The following THNSL1 variants were observed in gnomAD, a reference collection of about 807,000 sequenced individuals.
The protein encoded by THNSL1 is threonine synthase-like 1.
THNSL1 carries 48 observed loss-of-function variants against 50.4 expected under a neutral mutation model. That is an observed-to-expected ratio of 0.95 (90% CI 0.76 to 1.21). The LOEUF (loss-of-function observed/expected upper bound fraction) is 1.21. THNSL1 is among the 50% of genes most tolerant of loss of function. THNSL1 has a pLI of 0.00. For missense variants in THNSL1, 896 were observed against 871.7 expected, an observed-to-expected ratio of 1.03 and a Z score of -0.35; for synonymous variants, 309 against 306.1, an observed-to-expected ratio of 1.01 and a Z score of -0.10.
chr10:24,971,161 A>C, the THNSL1 span, among the ~76,000 whole-genome samples: 10 of 151,958 alleles, frequency 6.6e-5, no homozygotes, highest in Non-Finnish European at 1.2e-4. Flanking sequence ...GTGCAGTGGC[A>C]CAATCATAGC....
the THNSL1 span, among the ~76,000 whole-genome samples, chr10:24,969,700 T>C: frequency 6.6e-6 from 1 of 152,220 alleles, no homozygotes; most frequent in Non-Finnish European, 1.5e-5. Context: ...TTTTATCACG[T>C]GGAACGACAT....
Position 25,026,450 on chromosome 10 carries a change from T to C in THNSL1, c.*995T>C, listed in dbSNP as rs530767274. On this transcript the variant is annotated 3_prime_UTR_variant, in exon 3 of 3. Transcript: ENST00000376356. ...AGTAGTCTCAATAGGAGTGTATTTG[T>C]AGACAGCAGTTTCCCTATATTATTT... 8.4e-5 allele frequency: 14 copies of C among 167,228 alleles called. No homozygotes were observed. The South Asian group carries it at 2.9e-3, about 35-fold the overall frequency. 10.4% of individuals were successfully genotyped at this position (167,228 alleles called of 1,614,324 possible).
chr10:25,025,507 C>A lies in THNSL1; in HGVS notation c.*52C>A. 6.7e-7 allele frequency: 1 copy of A among 1,498,004 alleles called. No homozygotes were observed. Among genetic ancestry groups the A allele is most frequent in the Non-Finnish European group, 9.0e-7 (1 of 1,108,796 alleles). The allele number at this position is 1,498,004 out of a possible 1,614,324, so 92.8% of individuals were successfully genotyped here. Reference sequence around the variant, plus strand: ...TAGCTATAAGCATGCAATAATAAATCTCAAACACTGATTTGGAGTACAGTA... The same window carrying A: ...TAGCTATAAGCATGCAATAATAAATATCAAACACTGATTTGGAGTACAGTA... On this transcript the variant is annotated 3_prime_UTR_variant, in exon 3 of 3. Coordinates refer to ENST00000376356, the MANE Select transcript of THNSL1 (RefSeq NM_024838.5).
At chr10:24,963,970 C>T in the THNSL1 span, among the ~76,000 whole-genome samples, 5 of 152,026 alleles carry the variant, frequency 3.3e-5, no homozygotes, top group South Asian at 1.0e-3. Flanking sequence ...TTGTAAAACG[C>T]CATGAATTTT....
the THNSL1 span, among the ~76,000 whole-genome samples, chr10:25,008,313 T>A: frequency 6.6e-6 from 1 of 152,188 alleles, no homozygotes; most frequent in Non-Finnish European, 1.5e-5. Context: ...GGGTTACTGT[T>A]TTCCTTGATT....
chr10:24,962,382 T>C, the THNSL1 span, among the ~76,000 whole-genome samples: 1 of 152,206 alleles, frequency 6.6e-6, no homozygotes, highest in African/African-American at 2.4e-5. Context: ...ATTAGTCTGA[T>C]TTGATGCCCT....
chr10:25,014,873 T>C (rs182698160), upstream of THNSL1, among the ~76,000 whole-genome samples: 15 of 152,340 alleles, frequency 9.8e-5, no homozygotes, highest in East Asian at 2.7e-3. Flanking sequence ...ACCCTAATAC[T>C]AGTAAAAATA....
the THNSL1 span, among the ~76,000 whole-genome samples, chr10:25,004,195 G>A: frequency 6.6e-6 from 1 of 152,278 alleles, no homozygotes; most frequent in Admixed American, 6.5e-5. Flanking sequence ...CATTTAGGTT[G>A]ATTCCATGTC....
At chr10:24,979,380 G>A in the THNSL1 span, among the ~76,000 whole-genome samples, 1 of 152,322 alleles carries the variant, frequency 6.6e-6, no homozygotes, top group South Asian at 2.1e-4. Context: ...AGGTGCCAGT[G>A]TAGATGTTGA....
At chr10:24,989,123 T>C in the THNSL1 span, among the ~76,000 whole-genome samples, 2 of 152,150 alleles carry the variant, frequency 1.3e-5, no homozygotes, top group Non-Finnish European at 2.9e-5. Context: ...TTCAGCATCA[T>C]TTAGGTGTAA....
chr10:25,025,726 T>G lies in THNSL1; in HGVS notation c.*271T>G. The G allele has an allele frequency of 2.7e-6, 1 of 369,776 alleles. No homozygotes were observed. The allele number at this position is 369,776 out of a possible 1,614,324, so 22.9% of individuals were successfully genotyped here. On this transcript the variant is annotated 3_prime_UTR_variant, in exon 3 of 3. Coordinates refer to ENST00000376356, the MANE Select transcript of THNSL1 (RefSeq NM_024838.5). ...TCATGAGGGGTGTATCAATTTCCAC[T>G]CCCACACCCTCACTGTTATGTGGAC...
chr10:25,023,255 AAAAGAT>A lies in THNSL1; in HGVS notation c.35_40del (p.Lys12_Ile13del). ...CACTTTAACCGATGTCATCATCTGAAAAAGATAACACAGAAATGTTTTTCTAGTATA... is the reference window on the plus strand; with the variant it reads ...CACTTTAACCGATGTCATCATCTGAAAACACAGAAATGTTTTTCTAGTATA... On this transcript the variant is annotated inframe_deletion, in exon 3 of 3. Coordinates refer to ENST00000376356, the MANE Select transcript of THNSL1 (RefSeq NM_024838.5). The A allele has an allele frequency of 1.2e-6, 2 of 1,613,164 alleles. No homozygotes were observed.
At chr10:24,988,268 A>G in the THNSL1 span, among the ~76,000 whole-genome samples, 1 of 145,300 alleles carries the variant, frequency 6.9e-6, no homozygotes, top group South Asian at 2.1e-4. Context: ...ATATATATTT[A>G]TATATATGTG....
chr10:25,017,320 A>C (rs1027470840), intron 1 of THNSL1, among the ~76,000 whole-genome samples: 6 of 152,138 alleles, frequency 3.9e-5, no homozygotes, highest in Non-Finnish European at 5.9e-5. Flanking sequence ...AAAGTCATTT[A>C]GACGCTTTTA....
chr10:24,976,811 G>A, the THNSL1 span, among the ~76,000 whole-genome samples: 1 of 152,142 alleles, frequency 6.6e-6, no homozygotes, highest in East Asian at 1.9e-4. Context: ...ATTCTTACTA[G>A]TTAGTACTGA....
chr10:25,017,269 C>G (rs550570530), intron 1 of THNSL1, among the ~76,000 whole-genome samples: 1 of 152,282 alleles, frequency 6.6e-6, no homozygotes, highest in Non-Finnish European at 1.5e-5. Flanking sequence ...TTTTGTTCCA[C>G]CTGGTCACCC....
chr10:25,025,667 C>T lies in THNSL1; in HGVS notation c.*212C>T, dbSNP rs1157764842. Reference sequence around the variant, plus strand: ...AAGTGACAAAAGGTAACACAGTGCACGGACCTTTGAGCTATCATACTTTTG... The same window carrying T: ...AAGTGACAAAAGGTAACACAGTGCATGGACCTTTGAGCTATCATACTTTTG... On this transcript the variant is annotated 3_prime_UTR_variant, in exon 3 of 3. Coordinates refer to ENST00000376356, the MANE Select transcript of THNSL1 (RefSeq NM_024838.5). The T allele has an allele frequency of 1.7e-5, 9 of 539,194 alleles. No homozygotes were observed. Among genetic ancestry groups the T allele is most frequent in the South Asian group, 5.5e-5 (2 of 36,162 alleles). 33.4% of individuals were successfully genotyped at this position (539,194 alleles called of 1,614,324 possible). A position where few individuals can be genotyped will look rare whatever the true frequency, so the allele number is the denominator to read the frequency against.
the THNSL1 span, among the ~76,000 whole-genome samples, chr10:24,959,866 A>G: frequency 6.6e-6 from 1 of 152,256 alleles, no homozygotes; most frequent in Non-Finnish European, 1.5e-5. Context: ...CAAATTGTGC[A>G]TAGATATTTT....
the THNSL1 span, among the ~76,000 whole-genome samples, chr10:24,968,690 T>C: frequency 2.6e-5 from 4 of 152,186 alleles, no homozygotes; most frequent in African/African-American, 9.7e-5. Context: ...TGAAAAGATT[T>C]GATGGTGGGA....
Sources: allele counts gnomAD v4.1 joint callset (sites outside exome capture counted in the v4.1 genomes callset), GRCh38; gene constraint gnomAD v4.1.1; transcripts MANE v1.5; gene names NCBI Gene and HGNC (gene_info 2026-07-23, HGNC 2026-07-21).